The following TPTE2 variants were observed in gnomAD, a reference collection of about 807,000 sequenced individuals.
TPTE2 encodes the protein phosphatidylinositol 3,4,5-trisphosphate 3-phosphatase TPTE2.
Under a neutral mutation model 78.6 loss-of-function variants are expected in TPTE2, and 53 were observed. That is an observed-to-expected ratio of 0.67 (90% CI 0.54 to 0.85). The LOEUF (loss-of-function observed/expected upper bound fraction) is 0.85. Among genes scored for constraint, TPTE2 ranks in the 40% least tolerant of loss-of-function variants. The pLI is 0.00. For synonymous variants in TPTE2, 175 were observed against 206.2 expected, an observed-to-expected ratio of 0.85 and a Z score of 1.30; for missense variants, 461 against 623.0, an observed-to-expected ratio of 0.74 and a Z score of 2.77.
intron 6 of TPTE2, among the ~76,000 whole-genome samples, chr13:19,471,147 A>C (rs1232983135): frequency 6.6e-6 from 1 of 152,044 alleles, no homozygotes. Context: ...TGACCTCATG[A>C]TCTGCCTGCC....
intron 17 of TPTE2, among the ~76,000 whole-genome samples, chr13:19,429,291 G>A (rs1876376877): frequency 6.6e-6 from 1 of 152,192 alleles, no homozygotes; most frequent in Non-Finnish European, 1.5e-5. Context: ...GACAATTAGT[G>A]GCAGTGAGAA....
chr13:19,454,552 A>G (rs1878415830), intron 10 of TPTE2, among the ~76,000 whole-genome samples: 3 of 152,184 alleles, frequency 2.0e-5, no homozygotes, highest in Non-Finnish European at 4.4e-5. Flanking sequence ...TATGGATGGT[A>G]GATTTGCTTT....
intron 13 of TPTE2, among the ~76,000 whole-genome samples, chr13:19,438,784 C>T (rs146742971): frequency 6.6e-6 from 1 of 152,166 alleles, no homozygotes; most frequent in African/African-American, 2.4e-5. Context: ...AAGAAAATGG[C>T]AATTCCTCGG....
At chr13:19,452,212 A>G (rs1369797554) in intron 10 of TPTE2, among the ~76,000 whole-genome samples, 2 of 152,174 alleles carry the variant, frequency 1.3e-5, no homozygotes, top group African/African-American at 4.8e-5. Context: ...AATTTCTTAC[A>G]TAAAATCCAC....
intron 10 of TPTE2, among the ~76,000 whole-genome samples, chr13:19,457,732 A>G (rs1450587917): frequency 2.0e-5 from 3 of 152,092 alleles, no homozygotes; most frequent in Admixed American, 2.0e-4. Flanking sequence ...ACAGTTTTCC[A>G]TGGTATTTAT....
intron 3 of TPTE2, among the ~76,000 whole-genome samples, chr13:19,485,885 A>G (rs4291775): frequency 0.025 from 3,851 of 151,888 alleles, 128 homozygotes; most frequent in African/African-American, 0.075. Context: ...TATTTTTATG[A>G]TATCTGTATC....
At chr13:19,458,562 C>A in intron 10 of TPTE2, 1 of 408,082 alleles carries the variant, frequency 2.5e-6, no homozygotes, top group Non-Finnish European at 5.0e-6. Flanking sequence ...TTGTTCTTAT[C>A]AGTCTCTGTG....
chr13:19,556,953 G>C, the TPTE2 span, among the ~76,000 whole-genome samples: 1 of 152,122 alleles, frequency 6.6e-6, no homozygotes, highest in Non-Finnish European at 1.5e-5. Context: ...TTCTGTTTTA[G>C]ACTTAAAATG....
chr13:19,487,793 G>A (rs1880749639), intron 3 of TPTE2, among the ~76,000 whole-genome samples: 1 of 152,176 alleles, frequency 6.6e-6, no homozygotes, highest in Non-Finnish European at 1.5e-5. Context: ...AGATGGTGCT[G>A]TGTTGCTGCA....
chr13:19,476,275 C>G (rs1879932601), intron 4 of TPTE2, among the ~76,000 whole-genome samples: 1 of 151,856 alleles, frequency 6.6e-6, no homozygotes, highest in African/African-American at 2.4e-5. Flanking sequence ...CCTCATTTTA[C>G]CTTATGGCTG....
the TPTE2 span, among the ~76,000 whole-genome samples, chr13:19,557,459 A>G: frequency 6.6e-6 from 1 of 152,176 alleles, no homozygotes; most frequent in Non-Finnish European, 1.5e-5. Flanking sequence ...ATGTCAAAGA[A>G]AACACTGTCA....
At chr13:19,529,628 T>C (rs1350887808) in intron 1 of TPTE2, among the ~76,000 whole-genome samples, 1 of 152,106 alleles carries the variant, frequency 6.6e-6, no homozygotes, top group Non-Finnish European at 1.5e-5. Flanking sequence ...CTGACTCCCT[T>C]CCCCTACTTT....
intron 1 of TPTE2, among the ~76,000 whole-genome samples, chr13:19,494,929 G>T (rs1227548537): frequency 6.6e-6 from 1 of 152,152 alleles, no homozygotes; most frequent in Non-Finnish European, 1.5e-5. Context: ...GACCTGGGAT[G>T]GCATTTGTCT....
At chr13:19,431,076 G>A (rs1403800493) in intron 16 of TPTE2, among the ~76,000 whole-genome samples, 8 of 147,074 alleles carry the variant, frequency 5.4e-5, no homozygotes, top group African/African-American at 1.3e-4. Flanking sequence ...GCAGTGAGCT[G>A]AGATCACACC....
chr13:19,425,069 C>T, intron 18 of TPTE2, 52 bp from the exon 22 acceptor site: 1 of 910,112 alleles, frequency 1.1e-6, no homozygotes, highest in Non-Finnish European at 1.7e-6. Flanking sequence ...ACTAATCATT[C>T]CAAAGAAATT....
intron 13 of TPTE2, among the ~76,000 whole-genome samples, chr13:19,440,971 C>T (rs1438563156): frequency 2.0e-5 from 3 of 151,838 alleles, no homozygotes; most frequent in Admixed American, 1.3e-4. Flanking sequence ...CTTGTAATCC[C>T]AGCTACTTGG....
the TPTE2 span, among the ~76,000 whole-genome samples, chr13:19,559,030 G>T: frequency 1.3e-5 from 2 of 152,106 alleles, no homozygotes; most frequent in Non-Finnish European, 1.5e-5. Context: ...AAAATTACCA[G>T]AAAAGCTTTG....
upstream of TPTE2, among the ~76,000 whole-genome samples, chr13:19,506,478 C>A (rs1309196770): frequency 6.6e-6 from 1 of 152,070 alleles, no homozygotes; most frequent in Non-Finnish European, 1.5e-5. Flanking sequence ...TGGCCTAAAT[C>A]TTTGTTTTTA....
At chr13:19,527,163 G>C (rs1386657068) in intron 1 of TPTE2, among the ~76,000 whole-genome samples, 2 of 152,286 alleles carry the variant, frequency 1.3e-5, no homozygotes, top group East Asian at 3.9e-4. Context: ...GATACCAGAG[G>C]CTGGGAAGTG....
Sources: allele counts gnomAD v4.1 joint callset (sites outside exome capture counted in the v4.1 genomes callset), GRCh38; gene constraint gnomAD v4.1.1; transcripts MANE v1.5; gene names NCBI Gene and HGNC (gene_info 2026-07-23, HGNC 2026-07-21).